Variants in KIAA0232 observed in about 807,000 individuals in gnomAD.
KIAA0232 encodes the protein uncharacterized protein KIAA0232.
A neutral mutation model predicts 122.0 loss-of-function variants in KIAA0232; 27 were observed. The ratio of observed to expected loss-of-function variants is 0.22; its 90% CI spans 0.16 to 0.31. The LOEUF is 0.31. Among genes scored for constraint, KIAA0232 ranks in the 10% least tolerant of loss-of-function variants. KIAA0232 has a pLI of 1.00. For synonymous variants in KIAA0232, 613 were observed against 587.6 expected (o/e 1.04, Z -0.63); for missense variants, 1,551 against 1,634.2 (o/e 0.95, Z 0.88).
intron 3 of KIAA0232, among the ~76,000 whole-genome samples, chr4:6,841,235 A>G (rs546772637): frequency 1.2e-4 from 19 of 152,368 alleles, no homozygotes; most frequent in Non-Finnish European, 2.5e-4. Flanking sequence ...CAAATTTATC[A>G]TGGGTAAGTT....
chr4:6,803,631 T>C (rs1717486409), intron 1 of KIAA0232, among the ~76,000 whole-genome samples: 1 of 152,122 alleles, frequency 6.6e-6, no homozygotes, highest in Non-Finnish European at 1.5e-5. Context: ...AACCTCAGAG[T>C]CAAGTATTTC....
intron 1 of KIAA0232, among the ~76,000 whole-genome samples, chr4:6,793,131 T>C (rs1438823080): frequency 6.6e-6 from 1 of 152,154 alleles, no homozygotes; most frequent in Non-Finnish European, 1.5e-5. Flanking sequence ...TCCCTGTGAG[T>C]GACTACCATT....
intron 1 of KIAA0232, among the ~76,000 whole-genome samples, chr4:6,797,912 G>T (rs1717205681): frequency 6.6e-6 from 1 of 152,008 alleles, no homozygotes; most frequent in Non-Finnish European, 1.5e-5. Context: ...ACAAAAAATA[G>T]CCGGGCACAG....
At chr4:6,800,132 A>C (rs1717324316) in intron 1 of KIAA0232, among the ~76,000 whole-genome samples, 1 of 124,214 alleles carries the variant, frequency 8.1e-6, no homozygotes, top group African/African-American at 3.2e-5. Context: ...ATCTCGGCTG[A>C]CTGCAACCTC....
At chr4:6,840,182 AG>A (rs1460902798) in intron 3 of KIAA0232, among the ~76,000 whole-genome samples, 4 of 152,144 alleles carry the variant, frequency 2.6e-5, no homozygotes, top group Admixed American at 2.6e-4. Context: ...TTGGTTTTGC[AG>A]CCAGCTCCTT....
At chr4:6,784,219 A>C (rs1716505615) in intron 1 of KIAA0232, among the ~76,000 whole-genome samples, 2 of 151,970 alleles carry the variant, frequency 1.3e-5, no homozygotes, top group Non-Finnish European at 2.9e-5. Flanking sequence ...CTTACTGTTC[A>C]AGTTCCTAAG....
Position 6,860,919 on chromosome 4 carries a change from A to T in KIAA0232, c.537A>T (p.Pro179=), listed in dbSNP as rs1173947189. The part of the protein sequence containing the change: ...DQVEMYYEAF[P]PLSEKPVCLQ... Reference sequence around the variant, plus strand: ...TTTTCAGGTACTATGAAGCATTTCCACCACTTTCTGAGAAACCAGTTTGCC... The same window carrying T: ...TTTTCAGGTACTATGAAGCATTTCCTCCACTTTCTGAGAAACCAGTTTGCC... Residue 179 remains proline (P), a synonymous_variant, in exon 7 of 10, where the codon CCA becomes CCT. Transcript: ENST00000307659. 1 of 1,613,644 alleles carries T rather than the reference A, an allele frequency of 6.2e-7. No individual in the cohort carries two copies. Among genetic ancestry groups the T allele is most frequent in the South Asian group, 1.1e-5 (1 of 91,004 alleles).
chr4:6,822,048 T>G (rs1577373044), intron 2 of KIAA0232, among the ~76,000 whole-genome samples: 1 of 152,254 alleles, frequency 6.6e-6, no homozygotes, highest in Non-Finnish European at 1.5e-5. Flanking sequence ...TTTGAGTAAT[T>G]TTATTATAGT....
intron 4 of KIAA0232, among the ~76,000 whole-genome samples, chr4:6,849,382 G>T (rs1720145852): frequency 6.6e-6 from 1 of 152,208 alleles, no homozygotes; most frequent in Non-Finnish European, 1.5e-5. Context: ...AGCACTTTGG[G>T]AGGCAGGCAG....
At chr4:6,800,185 G>A (rs544230719) in intron 1 of KIAA0232, among the ~76,000 whole-genome samples, 3 of 146,854 alleles carry the variant, frequency 2.0e-5, no homozygotes, top group Non-Finnish European at 4.5e-5. Context: ...AGCCTCCCGA[G>A]TAGCTAGTAT....
At chr4:6,846,556 C>A (rs1719978230) in intron 4 of KIAA0232, among the ~76,000 whole-genome samples, 1 of 151,940 alleles carries the variant, frequency 6.6e-6, no homozygotes, top group Admixed American at 6.6e-5. Context: ...TGCCTACCTG[C>A]TTGGTCTGTG....
chr4:6,853,361 A>T (rs1560194250), intron 4 of KIAA0232, among the ~76,000 whole-genome samples: 1 of 152,224 alleles, frequency 6.6e-6, no homozygotes. Flanking sequence ...GTGACAAAAG[A>T]AATTAGGGGA....
In KIAA0232 at chr4:6,883,114, T is replaced by C. The variant is rs2108871676; in HGVS notation, c.*2148T>C. On this transcript the variant is annotated 3_prime_UTR_variant, in exon 10 of 10. Coordinates refer to ENST00000307659, the MANE Select transcript of KIAA0232 (RefSeq NM_014743.3). ...GCTCAGAGGCTTTCAGCAACAGAGA[T>C]GAAAGTGTGGCTTTTTAGTTTTGTG... The C allele has an allele frequency of 6.5e-6, 1 of 152,746 alleles. No individual in the cohort carries two copies. The highest frequency in any genetic ancestry group is 1.5e-5 in the Non-Finnish European group (1 of 68,024). 9.5% of individuals were successfully genotyped at this position (152,746 alleles called of 1,614,324 possible).
At chr4:6,872,313 A>G (rs1021381294) in intron 8 of KIAA0232, among the ~76,000 whole-genome samples, 7 of 152,214 alleles carry the variant, frequency 4.6e-5, no homozygotes, top group Non-Finnish European at 1.0e-4. Flanking sequence ...GACTGAGGCA[A>G]TCAAAGCGGG....
intron 2 of KIAA0232, among the ~76,000 whole-genome samples, chr4:6,818,492 C>A (rs1718248130): frequency 1.3e-5 from 2 of 151,098 alleles, no homozygotes; most frequent in South Asian, 4.2e-4. Context: ...AATAGACACA[C>A]ACACACACAC....
intron 3 of KIAA0232, among the ~76,000 whole-genome samples, chr4:6,827,455 T>TCCC (rs1284867672): frequency 6.6e-6 from 1 of 152,164 alleles, no homozygotes; most frequent in Non-Finnish European, 1.5e-5. Context: ...CCTTTCCTGA[T>TCCC]CTCTGGCTCA....
intron 4 of KIAA0232, among the ~76,000 whole-genome samples, chr4:6,846,990 G>GACA: frequency 6.6e-6 from 1 of 151,688 alleles, no homozygotes; most frequent in Non-Finnish European, 1.5e-5. Context: ...ACTACTAATT[G>GACA]GTCACAATCA....
chr4:6,836,541 C>T (rs796783739), intron 3 of KIAA0232, among the ~76,000 whole-genome samples: 1,175 of 89,848 alleles, frequency 0.013, no homozygotes, highest in Non-Finnish European at 0.015. Context: ...TTTTTTTTTT[C>T]TTTTCTTTTT....
intron 1 of KIAA0232, among the ~76,000 whole-genome samples, chr4:6,800,064 T>TTTTTTTTTTTTTTTTTTTTTTTTTTTTC (rs1560163422): frequency 1.8e-5 from 1 of 55,654 alleles, no homozygotes; most frequent in Non-Finnish European, 3.4e-5. Flanking sequence ...TTTTTTTTTT[T>TTTTTTTTTTTTTTTTTTTTTTTTTTTTC]TTTTTTTTTT....
Sources: allele counts gnomAD v4.1 joint callset (sites outside exome capture counted in the v4.1 genomes callset), GRCh38; gene constraint gnomAD v4.1.1; transcripts MANE v1.5; gene names NCBI Gene and HGNC (gene_info 2026-07-23, HGNC 2026-07-21).